DIP2C: variants seen among roughly 807,000 people sequenced by gnomAD.
DIP2C encodes the protein disco-interacting protein 2 homolog C.
In DIP2C, 33 loss-of-function variants were observed where a neutral mutation model predicts 192.4. The observed-to-expected ratio is 0.17, with a 90% CI of 0.13 to 0.23. DIP2C has a LOEUF of 0.23. Among genes scored for constraint, DIP2C ranks in the 10% least tolerant of loss-of-function variants. The probability of loss-of-function intolerance (pLI) is 1.00; values close to 1 mark genes in which losing one functional copy is unlikely to be tolerated. For missense variants in DIP2C, 1,537 were observed against 2,110.1 expected (o/e 0.73, Z 5.32); for synonymous variants, 979 against 864.1 (o/e 1.13, Z -2.33).
chr10:544,823 C>CA (rs1848190590), intron 1 of DIP2C, among the ~76,000 whole-genome samples: 1 of 152,170 alleles, frequency 6.6e-6, no homozygotes, highest in South Asian at 2.1e-4. Context: ...TTCTTGATAT[C>CA]AGGCCCTTAT....
At chr10:551,225 G>A (rs1487856012) in intron 1 of DIP2C, among the ~76,000 whole-genome samples, 1 of 152,186 alleles carries the variant, frequency 6.6e-6, no homozygotes, top group East Asian at 1.9e-4. Context: ...CCTCCCTGAT[G>A]CTTCTCAACA....
intron 29 of DIP2C, 150 bp downstream of exon 29, chr10:341,049 G>A: frequency 9.0e-7 from 1 of 1,114,740 alleles, no homozygotes; most frequent in Non-Finnish European, 1.3e-6. Context: ...AAGTCCACCA[G>A]GAGAAGTAGA....
At chr10:604,913 A>G (rs1368694827) in intron 1 of DIP2C, among the ~76,000 whole-genome samples, 1 of 152,178 alleles carries the variant, frequency 6.6e-6, no homozygotes, top group Non-Finnish European at 1.5e-5. Context: ...AGAAGTGGCT[A>G]TGGTGCTTCC....
chr10:440,746 C>T, intron 4 of DIP2C, 125 bp downstream of exon 4: 1 of 1,390,920 alleles, frequency 7.2e-7, no homozygotes, highest in Non-Finnish European at 9.5e-7. Flanking sequence ...TTTTGGACTT[C>T]TGGTTCACAA....
chr10:486,318 A>T, intron 2 of DIP2C, 141 bp downstream of exon 2: 1 of 691,418 alleles, frequency 1.4e-6, no homozygotes, highest in Non-Finnish European at 2.4e-6. Flanking sequence ...CACTCAAAGG[A>T]ACTGAATGCC....
chr10:324,402 G>A (rs1343459765), intron 31 of DIP2C, among the ~76,000 whole-genome samples: 2 of 152,110 alleles, frequency 1.3e-5, no homozygotes, highest in Admixed American at 6.5e-5. Flanking sequence ...ACCTAATTCC[G>A]AAGCACACCT....
At chr10:316,359 T>G (rs1208771940) in intron 31 of DIP2C, among the ~76,000 whole-genome samples, 1 of 152,194 alleles carries the variant, frequency 6.6e-6, no homozygotes, top group African/African-American at 2.4e-5. Context: ...TGACACTGGA[T>G]GTCTTCTATG....
intron 1 of DIP2C, among the ~76,000 whole-genome samples, chr10:568,478 T>C (rs1849571597): frequency 6.6e-6 from 1 of 151,902 alleles, no homozygotes; most frequent in Non-Finnish European, 1.5e-5. Flanking sequence ...GGAAAAAACT[T>C]CACTTGAGGC....
chr10:530,387 G>A (rs368505992), intron 1 of DIP2C, among the ~76,000 whole-genome samples: 96 of 152,248 alleles, frequency 6.3e-4, no homozygotes, highest in South Asian at 3.7e-3. Flanking sequence ...TGTAACTGCT[G>A]TTCTTATCAG....
At chr10:375,608 G>A (rs912277507) in intron 17 of DIP2C, among the ~76,000 whole-genome samples, 2 of 152,186 alleles carry the variant, frequency 1.3e-5, no homozygotes, top group African/African-American at 4.8e-5. Flanking sequence ...CCTCTGGAAA[G>A]CATTCCATAA....
At chr10:478,817 T>C (rs2133497638) in intron 2 of DIP2C, among the ~76,000 whole-genome samples, 1 of 152,182 alleles carries the variant, frequency 6.6e-6, no homozygotes, top group Non-Finnish European at 1.5e-5. Flanking sequence ...TTCTCACTCA[T>C]CGCGTGTCCG....
chr10:386,850 G>C (rs998605418), intron 14 of DIP2C, among the ~76,000 whole-genome samples: 6 of 152,148 alleles, frequency 3.9e-5, no homozygotes, highest in African/African-American at 9.7e-5. Context: ...GAAACAGATG[G>C]GGGGAGCGTC....
At position 590,278 on chromosome 10, in the gene DIP2C, G is replaced by A. The variant is rs561538026; in HGVS notation, c.85+99216C>T. On this transcript the variant is annotated intron_variant, in intron 1 of 36. Transcript: ENST00000280886. ...AAATGAGTACATGGTGCAAGGCAAA[G>A]GTCTGAAATAGCACAGCACCTTCGA... is the stretch of plus-strand genomic sequence containing the variant. Among the ~76,000 whole-genome samples, 28 of 152,338 alleles carry A rather than the reference G, an allele frequency of 1.8e-4. No homozygotes were observed. The Middle Eastern group carries it at 0.014, about 74-fold the overall frequency.
At chr10:396,632 G>A (rs1964004733) in intron 10 of DIP2C, among the ~76,000 whole-genome samples, 2 of 152,134 alleles carry the variant, frequency 1.3e-5, no homozygotes, top group African/African-American at 2.4e-5. Context: ...GAGAAGCCTT[G>A]TAAACTCCTC....
rs959074380 is a variant in DIP2C at position 567,183 on chromosome 10, TTTTTG to T, written c.86-80658_86-80654del. Among the ~76,000 whole-genome samples, 45 of 135,564 alleles carry T rather than the reference TTTTTG, an allele frequency of 3.3e-4. No individual in the cohort carries two copies. The East Asian group carries it at 6.8e-3, about 20-fold the overall frequency. The allele number at this position is 135,564 out of a possible 152,430, so 88.9% of individuals were successfully genotyped here. A position where few individuals can be genotyped will look rare whatever the true frequency, so the allele number is the denominator to read the frequency against. ...AGGACAGGCACCGGTTTTGGGGGGT[TTTTTG>T]TTTTGTTTTGTTTTTTTTAAGACAC... is the stretch of plus-strand genomic sequence containing the variant. On this transcript the variant is annotated intron_variant, in intron 1 of 36. Coordinates refer to ENST00000280886, the MANE Select transcript of DIP2C (RefSeq NM_014974.3).
At chr10:627,368 G>C (rs1348016035) in intron 1 of DIP2C, among the ~76,000 whole-genome samples, 1 of 152,234 alleles carries the variant, frequency 6.6e-6, no homozygotes, top group Non-Finnish European at 1.5e-5. Context: ...CAGCCGCTCT[G>C]CCGTACAAGA....
At chr10:667,924 A>C (rs1857201677) in intron 1 of DIP2C, 1 of 152,088 alleles carries the variant, frequency 6.6e-6, no homozygotes, top group Non-Finnish European at 1.5e-5. Context: ...CATGCAACTC[A>C]CATTCAACAC....
chr10:533,169 T>TC (rs1847514553), intron 1 of DIP2C, among the ~76,000 whole-genome samples: 3 of 152,042 alleles, frequency 2.0e-5, no homozygotes, highest in Non-Finnish European at 4.4e-5. Context: ...GAACTGACCC[T>TC]CCCTCGACGA....
chr10:548,912 A>G (rs938243875), intron 1 of DIP2C, among the ~76,000 whole-genome samples: 19 of 39,676 alleles, frequency 4.8e-4, no homozygotes, highest in South Asian at 4.7e-3. Flanking sequence ...AGCAGCTCAC[A>G]AAAAAAAAAA....
Sources: gnomAD v4.1 joint callset for allele counts (sites outside exome capture counted in the v4.1 genomes callset) on GRCh38, gnomAD v4.1.1 for gene constraint, MANE v1.5 for transcripts, NCBI Gene and HGNC (gene_info 2026-07-23, HGNC 2026-07-21) for gene names.